Variants in PXDNL observed in about 807,000 individuals in gnomAD.
The protein encoded by PXDNL is peroxidasin like, also known as probable oxidoreductase PXDNL.
PXDNL carries 145 observed loss-of-function variants against 150.8 expected under a neutral mutation model. The observed-to-expected ratio is 0.96, with a 90% confidence interval of 0.84 to 1.10. The LOEUF (loss-of-function observed/expected upper bound fraction) is 1.10, where lower values mean the gene tolerates loss of function less well. PXDNL is among the 50% of genes least tolerant of loss of function. The probability of loss-of-function intolerance (pLI) is 0.00; values close to 1 mark genes in which losing one functional copy is unlikely to be tolerated. For synonymous variants in PXDNL, 757 were observed against 725.7 expected (o/e 1.04, Z -0.69); for missense variants, 2,087 against 1,873.9 (o/e 1.11, Z -2.10).
chr8:51,787,213 T>C (rs1291207442), intron 1 of PXDNL, among the ~76,000 whole-genome samples: 5 of 152,178 alleles, frequency 3.3e-5, no homozygotes, highest in Non-Finnish European at 5.9e-5. Context: ...TTTTCATGCC[T>C]ACTAACACAT....
chr8:51,410,809 A>C (rs1211257428), intron 16 of PXDNL, among the ~76,000 whole-genome samples: 1 of 152,218 alleles, frequency 6.6e-6, no homozygotes, highest in Non-Finnish European at 1.5e-5. Context: ...ACAACAACAA[A>C]AAAACAAAAA....
At chr8:51,389,319 T>C (rs1337766318) in intron 17 of PXDNL, among the ~76,000 whole-genome samples, 10 of 152,204 alleles carry the variant, frequency 6.6e-5, no homozygotes, top group Non-Finnish European at 1.5e-4. Context: ...TAAATTCAGA[T>C]TCTTTTCCTG....
intron 1 of PXDNL, among the ~76,000 whole-genome samples, chr8:51,781,105 T>A (rs1461688115): frequency 6.6e-6 from 1 of 152,162 alleles, no homozygotes; most frequent in Non-Finnish European, 1.5e-5. Flanking sequence ...AACACATGAA[T>A]TTTGGGTGTC....
intron 5 of PXDNL, among the ~76,000 whole-genome samples, chr8:51,492,996 T>C (rs1470564068): frequency 1.3e-5 from 2 of 152,150 alleles, no homozygotes; most frequent in East Asian, 1.9e-4. Flanking sequence ...CAAGTGGGTC[T>C]CTGAACCCTG....
chr8:51,483,591 T>A, intron 6 of PXDNL, 52 bp downstream of exon 6: 1 of 1,136,434 alleles, frequency 8.8e-7, no homozygotes, highest in South Asian at 1.4e-5. Context: ...TGGGATGGAT[T>A]TTGGAGGAAA....
rs756573759 is a variant in PXDNL, at chr8:51,453,788, G to A, written c.983-3C>T. The A allele has an allele frequency of 6.2e-7, 1 of 1,613,492 alleles. No individual in the cohort carries two copies. Among genetic ancestry groups the A allele is most frequent in the Non-Finnish European group, 8.5e-7 (1 of 1,179,622 alleles). ...CTGGATTACAAAGCTTGGTTTGGCT[G>A]ATGGTAAAGGGGGAACAAAACGAAA... On this transcript the variant is annotated splice_region_variant and splice_polypyrimidine_tract_variant and intron_variant, in intron 9 of 22. Coordinates refer to ENST00000356297, the MANE Select transcript of PXDNL (RefSeq NM_144651.5).
intron 12 of PXDNL, chr8:51,436,231 AT>A (rs1809404876): frequency 1.9e-6 from 1 of 521,080 alleles, no homozygotes; most frequent in African/African-American, 1.9e-5. Context: ...GACTTTCACC[AT>A]TTTGGATAAT....
chr8:51,574,354 T>C (rs1417729562), intron 3 of PXDNL, among the ~76,000 whole-genome samples: 1 of 151,758 alleles, frequency 6.6e-6, no homozygotes, highest in African/African-American at 2.4e-5. Flanking sequence ...GCAGTAGATA[T>C]TACTCAATCT....
chr8:51,637,607 G>A (rs534835346), intron 2 of PXDNL, among the ~76,000 whole-genome samples: 112 of 152,262 alleles, frequency 7.4e-4, no homozygotes, highest in African/African-American at 2.6e-3. Context: ...ATCAGTGATG[G>A]AAGACCAAAT....
chr8:51,745,925 ATT>A, intron 1 of PXDNL, among the ~76,000 whole-genome samples: 1 of 152,098 alleles, frequency 6.6e-6, no homozygotes, highest in East Asian at 1.9e-4. Context: ...CGCTCAGCTA[ATT>A]TTTGTACTTT....
At chr8:51,796,934 T>G (rs553223633) in intron 1 of PXDNL, among the ~76,000 whole-genome samples, 14 of 152,308 alleles carry the variant, frequency 9.2e-5, no homozygotes, top group Admixed American at 9.1e-4. Flanking sequence ...AATAAAATAC[T>G]GGCAAACCAA....
intron 2 of PXDNL, among the ~76,000 whole-genome samples, chr8:51,615,524 A>G (rs1366515204): frequency 1.3e-5 from 2 of 151,966 alleles, no homozygotes; most frequent in Non-Finnish European, 2.9e-5. Context: ...AAACTTAAAG[A>G]GTCTGGGGGG....
At chr8:51,398,790 G>A (rs1162276266) in intron 17 of PXDNL, among the ~76,000 whole-genome samples, 4 of 151,728 alleles carry the variant, frequency 2.6e-5, no homozygotes, top group Non-Finnish European at 5.9e-5. Flanking sequence ...TTCACACTTA[G>A]GAAAGTAATG....
intron 12 of PXDNL, chr8:51,435,950 C>A: frequency 2.0e-6 from 1 of 503,238 alleles, no homozygotes; most frequent in Admixed American, 2.3e-5. Context: ...GTAATAAATG[C>A]ATCTACTTTG....
At chr8:51,462,403 T>C (rs920494695) in intron 8 of PXDNL, among the ~76,000 whole-genome samples, 7 of 152,036 alleles carry the variant, frequency 4.6e-5, no homozygotes, top group East Asian at 1.9e-4. Flanking sequence ...AGGAAGCCAA[T>C]AGAATGACTC....
At chr8:51,348,351 A>G (rs1471623983) in intron 19 of PXDNL, among the ~76,000 whole-genome samples, 1 of 152,224 alleles carries the variant, frequency 6.6e-6, no homozygotes, top group Admixed American at 6.5e-5. Flanking sequence ...CATGTATATA[A>G]CACTGCAGGT....
chr8:51,731,788 A>G (rs1816938521), intron 1 of PXDNL, among the ~76,000 whole-genome samples: 2 of 152,154 alleles, frequency 1.3e-5, no homozygotes, highest in South Asian at 2.1e-4. Flanking sequence ...TGGGGCTTGC[A>G]CCCTCTGAAG....
intron 12 of PXDNL, among the ~76,000 whole-genome samples, chr8:51,446,269 G>A (rs548994738): frequency 6.6e-5 from 10 of 152,270 alleles, no homozygotes; most frequent in South Asian, 2.1e-4. Context: ...GATCTAATAC[G>A]TCAGAACAAA....
intron 1 of PXDNL, among the ~76,000 whole-genome samples, chr8:51,661,679 T>C (rs1815273056): frequency 6.6e-6 from 1 of 152,118 alleles, no homozygotes; most frequent in African/African-American, 2.4e-5. Flanking sequence ...CTCCCTCTCC[T>C]TATACACACG....
Sources: gnomAD v4.1 joint callset for allele counts (sites outside exome capture counted in the v4.1 genomes callset) on GRCh38, gnomAD v4.1.1 for gene constraint, MANE v1.5 for transcripts, NCBI Gene and HGNC (gene_info 2026-07-23, HGNC 2026-07-21) for gene names.